Variants in DCLK1 observed in about 807,000 individuals in gnomAD.
The protein encoded by DCLK1 is serine/threonine-protein kinase DCLK1.
DCLK1 carries 16 observed loss-of-function variants against 86.2 expected under a neutral mutation model. The ratio of observed to expected loss-of-function variants is 0.19; its 90% CI spans 0.13 to 0.28. The LOEUF (loss-of-function observed/expected upper bound fraction) is 0.28. DCLK1 is among the 10% of genes least tolerant of loss of function. The pLI, the probability that DCLK1 is intolerant of heterozygous loss-of-function variation, is 1.00. For missense variants in DCLK1, 590 were observed against 940.2 expected, an observed-to-expected ratio of 0.63 and a Z score of 4.87; for synonymous variants, 369 against 370.5, an observed-to-expected ratio of 1.00 and a Z score of 0.05.
intron 6 of DCLK1, among the ~76,000 whole-genome samples, chr13:35,854,031 T>C (rs1385633352): frequency 6.6e-6 from 1 of 152,154 alleles, no homozygotes; most frequent in African/African-American, 2.4e-5. Context: ...CAATGTGGGT[T>C]TCATCCACAA....
chr13:36,068,010 T>C (rs142314072), intron 3 of DCLK1, among the ~76,000 whole-genome samples: 23 of 152,304 alleles, frequency 1.5e-4, no homozygotes, highest in South Asian at 4.1e-4. Context: ...GTATAAGTGT[T>C]CAAATTTTTC....
At chr13:36,109,595 C>G (rs1169708884) in intron 3 of DCLK1, among the ~76,000 whole-genome samples, 1 of 152,204 alleles carries the variant, frequency 6.6e-6, no homozygotes, top group Admixed American at 6.5e-5. Context: ...AAGCTATCAT[C>G]ATTATAGTTC....
chr13:35,942,430 G>A (rs376701431), intron 4 of DCLK1, among the ~76,000 whole-genome samples: 25 of 152,214 alleles, frequency 1.6e-4, no homozygotes, highest in African/African-American at 5.1e-4. Context: ...TGATCCACCC[G>A]CCTTGGCCTC....
chr13:35,819,585 T>TA (rs1305338436), intron 11 of DCLK1, among the ~76,000 whole-genome samples: 4 of 152,186 alleles, frequency 2.6e-5, no homozygotes, highest in Non-Finnish European at 1.5e-5. Flanking sequence ...ATAAGCCTTT[T>TA]AATAACGTAG....
Position 35,966,630 on chromosome 13 carries a change from G to A in DCLK1, c.724-19173C>T, listed in dbSNP as rs1488719546. On this transcript the variant is annotated intron_variant, in intron 3 of 16. Coordinates refer to ENST00000360631, the MANE Select transcript of DCLK1 (RefSeq NM_001330071.2). ...CCTGATTCTCCTGCCTCAGCCTGCC[G>A]AGTGCCTGGGATTGCAGGCGCGCAC... 3.3e-5 allele frequency among the ~76,000 whole-genome samples: 5 copies of A among 151,814 alleles called. No individual in the cohort carries two copies. In the East Asian group the frequency reaches 5.9e-4, roughly 18 times the overall value.
At position 35,916,467 on chromosome 13, in the gene DCLK1, C is replaced by T. The variant is rs114188204; in HGVS notation, c.823+30891G>A. Among the ~76,000 whole-genome samples, 1,030 of 152,256 alleles carry T rather than the reference C, an allele frequency of 6.8e-3. 12 individuals carry two copies. Among genetic ancestry groups the T allele is most frequent in the African/African-American group, 0.023 (976 of 41,542 alleles). On this transcript the variant is annotated intron_variant, in intron 4 of 16. Transcript: ENST00000360631. ...CTTACAATTAGCCTTGGTTTCCTTC[C>T]CCCATGTAAGAAGCCCAGCCCTGCC...
chr13:35,980,476 T>C (rs751723021), intron 3 of DCLK1, among the ~76,000 whole-genome samples: 4 of 151,942 alleles, frequency 2.6e-5, no homozygotes, highest in Non-Finnish European at 5.9e-5. Flanking sequence ...GGACTCCGTG[T>C]TCCCCCCGGC....
intron 3 of DCLK1, among the ~76,000 whole-genome samples, chr13:35,947,971 A>G (rs997742327): frequency 1.1e-4 from 16 of 152,242 alleles, no homozygotes; most frequent in Non-Finnish European, 2.2e-4. Flanking sequence ...AAATAATAAT[A>G]AATAAATTAA....
chr13:35,883,504 T>C (rs1873041874), intron 4 of DCLK1, among the ~76,000 whole-genome samples: 1 of 152,172 alleles, frequency 6.6e-6, no homozygotes, highest in Non-Finnish European at 1.5e-5. Context: ...CAAATGCTGG[T>C]GTCATGCTTC....
intron 4 of DCLK1, among the ~76,000 whole-genome samples, chr13:35,939,421 G>A (rs1399386723): frequency 3.3e-5 from 5 of 152,182 alleles, no homozygotes; most frequent in Admixed American, 3.3e-4. Context: ...TTGTTTATTT[G>A]TTTTTTGAGA....
In DCLK1 at chr13:35,864,341, G is replaced by A. The variant is rs1342335453; in HGVS notation, c.940+6883C>T. ...AGCACTTTGGGAGGCCGAGGCGGGC[G>A]GATCACGAGGTCAGGAGATCGAGAC... On this transcript the variant is annotated intron_variant, in intron 5 of 16. Transcript: ENST00000360631. 1.1e-4 allele frequency among the ~76,000 whole-genome samples: 8 copies of A among 75,660 alleles called. 1 individual carries two copies. Among genetic ancestry groups the A allele is most frequent in the Non-Finnish European group, 1.6e-4 (6 of 38,580 alleles). The allele number at this position is 75,660 out of a possible 152,430, so 49.6% of individuals were successfully genotyped here. A position where few individuals can be genotyped will look rare whatever the true frequency, so the allele number is the denominator to read the frequency against.
intron 6 of DCLK1, among the ~76,000 whole-genome samples, chr13:35,839,815 A>T (rs1421188316): frequency 2.0e-5 from 3 of 152,152 alleles, no homozygotes; most frequent in African/African-American, 7.2e-5. Flanking sequence ...TTGACCCAAG[A>T]TCCATGAAAG....
chr13:36,079,587 G>A (rs373212911), intron 3 of DCLK1, among the ~76,000 whole-genome samples: 6 of 152,154 alleles, frequency 3.9e-5, no homozygotes, highest in Non-Finnish European at 4.4e-5. Context: ...AGCCAAGTTC[G>A]CGCCATTGCA....
intron 15 of DCLK1, among the ~76,000 whole-genome samples, chr13:35,800,812 G>C (rs1381035746): frequency 6.9e-6 from 1 of 144,342 alleles, no homozygotes; most frequent in Non-Finnish European, 1.5e-5. Flanking sequence ...CTGCCCCCAG[G>C]TTCGAGCCAT....
chr13:35,884,048 T>G (rs1218977781), intron 4 of DCLK1, among the ~76,000 whole-genome samples: 1 of 152,172 alleles, frequency 6.6e-6, no homozygotes, highest in Non-Finnish European at 1.5e-5. Flanking sequence ...AGGTAGAACC[T>G]GGGGCACTTA....
At chr13:36,030,169 T>C (rs1311672207) in intron 3 of DCLK1, among the ~76,000 whole-genome samples, 1 of 152,230 alleles carries the variant, frequency 6.6e-6, no homozygotes, top group African/African-American at 2.4e-5. Flanking sequence ...GATTGTTTCA[T>C]TATTGAGTAT....
At chr13:35,891,847 C>A (rs951415362) in intron 4 of DCLK1, among the ~76,000 whole-genome samples, 1 of 152,176 alleles carries the variant, frequency 6.6e-6, no homozygotes, top group Non-Finnish European at 1.5e-5. Context: ...TCCTCTTTCC[C>A]TTCTCAAATT....
intron 3 of DCLK1, among the ~76,000 whole-genome samples, chr13:36,085,430 A>G (rs981739434): frequency 6.6e-5 from 10 of 152,162 alleles, no homozygotes; most frequent in Non-Finnish European, 1.3e-4. Context: ...TACTGCACAT[A>G]TTCTGCAAAT....
At chr13:36,062,023 A>T (rs1321509574) in intron 3 of DCLK1, among the ~76,000 whole-genome samples, 2 of 152,138 alleles carry the variant, frequency 1.3e-5, no homozygotes, top group African/African-American at 4.8e-5. Context: ...CGTCAGGTAC[A>T]ATTCTGTTTG....
Sources: allele counts gnomAD v4.1 joint callset (sites outside exome capture counted in the v4.1 genomes callset), GRCh38; gene constraint gnomAD v4.1.1; transcripts MANE v1.5; gene names NCBI Gene and HGNC (gene_info 2026-07-23, HGNC 2026-07-21).